The following TRHDE variants were observed in gnomAD, a reference collection of about 807,000 sequenced individuals.
TRHDE encodes the protein thyrotropin-releasing hormone-degrading ectoenzyme.
TRHDE carries 72 observed loss-of-function variants against 125.7 expected under a neutral mutation model. The ratio of observed to expected loss-of-function variants is 0.57; its 90% CI spans 0.47 to 0.70. The LOEUF is 0.70. Among genes scored for constraint, TRHDE ranks in the 30% least tolerant of loss-of-function variants. The pLI is 0.00. For synonymous variants in TRHDE, 509 were observed against 509.1 expected (o/e 1.00, Z 0.00); for missense variants, 1,110 against 1,327.1 (o/e 0.84, Z 2.54).
chr12:72,318,398 C>A (rs546597592), intron 2 of TRHDE, among the ~76,000 whole-genome samples: 1 of 152,256 alleles, frequency 6.6e-6, no homozygotes, highest in East Asian at 1.9e-4. Flanking sequence ...CTCATATTAG[C>A]TGGGAGAAGG....
chr12:72,607,784 G>A (rs558915498), intron 12 of TRHDE, among the ~76,000 whole-genome samples: 8 of 152,210 alleles, frequency 5.3e-5, no homozygotes, highest in South Asian at 2.1e-4. Context: ...TGTTGCTATC[G>A]CTTTGCTCTT....
chr12:72,417,193 A>G (rs1169499679), intron 3 of TRHDE, among the ~76,000 whole-genome samples: 1 of 151,932 alleles, frequency 6.6e-6, no homozygotes, highest in African/African-American at 2.4e-5. Context: ...TAGAAATTCT[A>G]TTGCTTTTCA....
chr12:72,397,532 C>T (rs1872848818), intron 3 of TRHDE, among the ~76,000 whole-genome samples: 1 of 152,168 alleles, frequency 6.6e-6, no homozygotes, highest in Non-Finnish European at 1.5e-5. Flanking sequence ...ACCATCTAAT[C>T]CCTGTTACCT....
intron 2 of TRHDE, among the ~76,000 whole-genome samples, chr12:72,130,133 C>T (rs1304823653): frequency 6.6e-6 from 1 of 151,916 alleles, no homozygotes; most frequent in East Asian, 1.9e-4. Flanking sequence ...AACCCTGTCT[C>T]TACTAAAAAT....
intron 3 of TRHDE, among the ~76,000 whole-genome samples, chr12:72,398,354 T>A (rs1256523486): frequency 6.6e-6 from 1 of 152,184 alleles, no homozygotes; most frequent in Non-Finnish European, 1.5e-5. Context: ...TACCCAGTAA[T>A]GGGATGGCTG....
chr12:72,663,929 C>G lies in TRHDE; in HGVS notation c.*734C>G, dbSNP rs1402739768. 1.3e-5 allele frequency: 2 copies of G among 152,040 alleles called. No individual in the cohort carries two copies. The highest frequency in any genetic ancestry group is 2.9e-5 in the Non-Finnish European group (2 of 68,004). 9.4% of individuals were successfully genotyped at this position (152,040 alleles called of 1,614,324 possible). A position where few individuals can be genotyped will look rare whatever the true frequency, so the allele number is the denominator to read the frequency against. Reference sequence around the variant, plus strand: ...TAGTATGTTGTACACTGCACATGTACAAAGAATGTCTTCAGATCAAAGAAA... The same window carrying G: ...TAGTATGTTGTACACTGCACATGTAGAAAGAATGTCTTCAGATCAAAGAAA... On this transcript the variant is annotated 3_prime_UTR_variant, in exon 19 of 19. Coordinates refer to ENST00000261180, the MANE Select transcript of TRHDE (RefSeq NM_013381.3).
At chr12:72,275,783 G>A (rs572339302) in intron 1 of TRHDE, among the ~76,000 whole-genome samples, 2 of 152,222 alleles carry the variant, frequency 1.3e-5, no homozygotes, top group East Asian at 1.9e-4. Context: ...CCCCTAGTGC[G>A]TATTTGTACT....
chr12:72,553,781 T>C (rs1290853964), intron 7 of TRHDE, among the ~76,000 whole-genome samples: 1 of 151,054 alleles, frequency 6.6e-6, no homozygotes, highest in Non-Finnish European at 1.5e-5. Context: ...TTAGTACATA[T>C]AATTTTCTTT....
At chr12:72,572,448 A>C (rs924718405) in intron 10 of TRHDE, among the ~76,000 whole-genome samples, 1 of 152,116 alleles carries the variant, frequency 6.6e-6, no homozygotes, top group African/African-American at 2.4e-5. Context: ...TACTCATCAA[A>C]TACCATACCT....
chr12:72,272,121 G>T (rs1023845687), upstream of TRHDE: 15 of 457,444 alleles, frequency 3.3e-5, no homozygotes, highest in Non-Finnish European at 6.6e-5. This position sits in a 1 kb window ranked among gnomAD's most constrained non-coding sequence, Gnocchi z 6.7. Context: ...CGCCGTCACT[G>T]CTGCTGCGAG....
intron 3 of TRHDE, among the ~76,000 whole-genome samples, chr12:72,437,397 G>T (rs12311646): frequency 3.3e-5 from 5 of 151,568 alleles, no homozygotes; most frequent in African/African-American, 9.7e-5. Flanking sequence ...TTGTCCATGC[G>T]ATATTTTAGG....
intron 2 of TRHDE, among the ~76,000 whole-genome samples, chr12:72,115,425 C>T (rs1875421384): frequency 6.6e-6 from 1 of 152,086 alleles, no homozygotes; most frequent in Non-Finnish European, 1.5e-5. Flanking sequence ...ATAAGTACCA[C>T]ACTTTGTTTA....
intron 3 of TRHDE, among the ~76,000 whole-genome samples, chr12:72,450,681 T>C (rs574875709): frequency 4.2e-4 from 64 of 152,212 alleles, no homozygotes; most frequent in African/African-American, 1.5e-3. Context: ...CTGGATCATA[T>C]GATAATTCTA....
At chr12:72,656,843 T>G in intron 17 of TRHDE, 84 bp from the exon 18 acceptor site, 4 of 953,028 alleles carry the variant, frequency 4.2e-6, no homozygotes, top group Non-Finnish European at 4.9e-6. Flanking sequence ...ATCGAACCCT[T>G]GAGAAAACTC....
At chr12:72,551,976 A>C (rs1869698601) in intron 7 of TRHDE, among the ~76,000 whole-genome samples, 2 of 152,110 alleles carry the variant, frequency 1.3e-5, no homozygotes. Context: ...AAGGGTTAAG[A>C]CAAGAACTGA....
intron 3 of TRHDE, among the ~76,000 whole-genome samples, chr12:72,461,022 A>T (rs1329053778): frequency 6.6e-6 from 1 of 152,166 alleles, no homozygotes; most frequent in Non-Finnish European, 1.5e-5. Context: ...ATGAAAAAAA[A>T]ATCTTTTGAA....
rs752127761 is a variant in TRHDE at position 72,619,037 on chromosome 12, A to G, written c.2468A>G (p.Asn823Ser). ...LDRMENYNIF[N>S]EYILKQVATT... ...CGCATGGAAAACTACAACATTTTCA[A>G]TGTAAAAAGATATAATTTTTCTTTC... The change falls in exon 13 of 19, where the codon AAT (asparagine) becomes AGT (serine). Residue 823 changes from asparagine to serine, a missense_variant and splice_region_variant. This residue lies in a region of TRHDE where 527 missense variants were observed against 651.8 expected (regional missense o/e 0.81). Transcript: ENST00000261180. 12 of 1,543,682 alleles carry G rather than the reference A, an allele frequency of 7.8e-6. No homozygotes were observed. The East Asian group carries it at 1.4e-4, about 18-fold the overall frequency.
intron 2 of TRHDE, among the ~76,000 whole-genome samples, chr12:72,143,308 A>G (rs1876158963): frequency 6.6e-6 from 1 of 152,168 alleles, no homozygotes; most frequent in Non-Finnish European, 1.5e-5. Context: ...CGGTGTTAGG[A>G]AAGACTTTTG....
At chr12:72,169,243 C>T (rs910904562) in intron 2 of TRHDE, among the ~76,000 whole-genome samples, 3 of 151,800 alleles carry the variant, frequency 2.0e-5, no homozygotes, top group Non-Finnish European at 4.4e-5. Context: ...TGGGAAGCTG[C>T]TAAAAAGTAT....
Sources: gnomAD v4.1 joint callset for allele counts (sites outside exome capture counted in the v4.1 genomes callset) on GRCh38, gnomAD v4.1.1 for gene constraint, gnomAD v4.1.1 regional missense constraint, Gnocchi (gnomAD v3.1) non-coding constraint, MANE v1.5 for transcripts, NCBI Gene and HGNC (gene_info 2026-07-23, HGNC 2026-07-21) for gene names.